Variants in WDFY3 observed in about 807,000 individuals in gnomAD.
WDFY3 encodes the protein WD repeat and FYVE domain-containing protein 3.
Under a neutral mutation model 409.6 loss-of-function variants are expected in WDFY3, and 66 were observed. That is an observed-to-expected ratio of 0.16 (90% CI 0.13 to 0.20). The LOEUF is 0.20. Among genes scored for constraint, WDFY3 ranks in the 10% least tolerant of loss-of-function variants. WDFY3 has a pLI of 1.00. For synonymous variants in WDFY3, 1,521 were observed against 1,537.1 expected (o/e 0.99, Z 0.25); for missense variants, 3,031 against 4,298.1 (o/e 0.71, Z 8.24).
rs1185335520 is a variant in WDFY3, at chr4:84,820,179, T to C, written c.1599A>G (p.Ser533=). 6.2e-7 allele frequency: 1 copy of C among 1,606,614 alleles called. No individual in the cohort carries two copies. The highest frequency in any genetic ancestry group is 8.5e-7 in the Non-Finnish European group (1 of 1,176,548). The part of the protein sequence containing the change: ...PTQALNEQGD[S]RNNSSVEDQK... Reference sequence around the variant, plus strand: ...GGTCTTCAACTGAACTATTATTTCTTGAGTCCCCTAAAAAAAGGTTCAAAG... The same window carrying C: ...GGTCTTCAACTGAACTATTATTTCTCGAGTCCCCTAAAAAAAGGTTCAAAG... Residue 533 remains serine, a synonymous_variant, in exon 12 of 68, where the codon TCA becomes TCG. Coordinates refer to ENST00000295888, the MANE Select transcript of WDFY3 (RefSeq NM_014991.6).
intron 18 of WDFY3, among the ~76,000 whole-genome samples, chr4:84,797,731 C>T (rs1749731453): frequency 2.0e-5 from 3 of 151,984 alleles, no homozygotes. Context: ...CAGGCGCCTG[C>T]CACTGCGCCC....
chr4:84,683,686 A>G (rs571141114), intron 63 of WDFY3, among the ~76,000 whole-genome samples: 1 of 152,324 alleles, frequency 6.6e-6, no homozygotes, highest in East Asian at 1.9e-4. Context: ...CATGGGAATC[A>G]TGTTTGACTG....
intron 64 of WDFY3, among the ~76,000 whole-genome samples, chr4:84,682,009 C>A (rs1727439609): frequency 6.6e-6 from 1 of 152,188 alleles, no homozygotes; most frequent in Non-Finnish European, 1.5e-5. Context: ...CCATGGTGGG[C>A]AGAACAAATG....
At chr4:84,758,780 A>G (rs1349434026) in intron 32 of WDFY3, among the ~76,000 whole-genome samples, 1 of 152,220 alleles carries the variant, frequency 6.6e-6, no homozygotes, top group East Asian at 1.9e-4. Context: ...CTTAATCACA[A>G]TGAACATGTG....
intron 58 of WDFY3, 95 bp downstream of exon 58, chr4:84,695,875 A>T: frequency 1.7e-6 from 2 of 1,163,932 alleles, no homozygotes; most frequent in Non-Finnish European, 2.4e-6. Context: ...TTATTAAGTT[A>T]ATCTAAACTT....
intron 3 of WDFY3, among the ~76,000 whole-genome samples, chr4:84,876,508 T>C (rs561587573): frequency 6.6e-6 from 1 of 152,346 alleles, no homozygotes; most frequent in East Asian, 1.9e-4. Flanking sequence ...TAGATTAGTA[T>C]TTGGCACAAG....
At chr4:84,680,139 T>G (rs1223928286) in intron 64 of WDFY3, among the ~76,000 whole-genome samples, 1 of 152,148 alleles carries the variant, frequency 6.6e-6, no homozygotes, top group African/African-American at 2.4e-5. Flanking sequence ...TCCACCCACT[T>G]TGGCATCCGA....
chr4:84,901,922 T>C (rs1239604855), intron 2 of WDFY3, among the ~76,000 whole-genome samples: 1 of 152,200 alleles, frequency 6.6e-6, no homozygotes, highest in Non-Finnish European at 1.5e-5. Flanking sequence ...GAATGCAATA[T>C]TTCCCCTGTC....
At position 84,870,307 on chromosome 4, in the gene WDFY3, T is replaced by C. The variant is rs76514967; in HGVS notation, c.-31-9685A>G. Among the ~76,000 whole-genome samples the C allele has an allele frequency of 6.4e-3, 976 of 152,284 alleles. 10 individuals are homozygous for C. The highest frequency in any genetic ancestry group is 0.061 in the Middle Eastern group (18 of 294). ...GGATCAACTCTAACTCAAGGACTTT[T>C]CTTGGACCCATCAAAGAACTGAGGT... On this transcript the variant is annotated intron_variant, in intron 3 of 67. Transcript: ENST00000295888.
chr4:84,698,115 G>T (rs993800956), intron 56 of WDFY3, among the ~76,000 whole-genome samples: 2 of 151,932 alleles, frequency 1.3e-5, no homozygotes, highest in African/African-American at 2.4e-5. Flanking sequence ...ATAATAAACA[G>T]GTAAAAAGGC....
At chr4:84,753,387 C>T (rs1034660833) in intron 35 of WDFY3, among the ~76,000 whole-genome samples, 8 of 152,092 alleles carry the variant, frequency 5.3e-5, no homozygotes, top group Non-Finnish European at 1.2e-4. Context: ...TACAACTACA[C>T]AGCTGGCATC....
At chr4:84,894,771 G>A (rs574920579) in intron 3 of WDFY3, among the ~76,000 whole-genome samples, 1 of 151,128 alleles carries the variant, frequency 6.6e-6, no homozygotes, top group South Asian at 2.1e-4. Context: ...GGGTGACAAA[G>A]CGAGACTCAG....
In WDFY3 at chr4:84,733,385, C is replaced by A; in HGVS notation, c.7218G>T (p.Val2406=). The change falls in exon 44 of 68, where the codon GTG becomes GTT. Residue 2406 remains valine (V), a synonymous_variant. Transcript: ENST00000295888. ...YVPETEQETN[V]ASEIPSKQPE... The stretch of plus-strand genomic sequence containing the variant: ...TCATTGAATTCTGCATACTCACCGC[C>A]ACATTTGTCTCTTGCTCAGTTTCTG... 1 of 1,613,926 alleles carries A rather than the reference C, an allele frequency of 6.2e-7. No individual in the cohort carries two copies. The highest frequency in any genetic ancestry group is 8.5e-7 in the Non-Finnish European group (1 of 1,179,864).
intron 36 of WDFY3, among the ~76,000 whole-genome samples, chr4:84,745,307 G>C (rs1211482669): frequency 6.6e-6 from 1 of 152,190 alleles, no homozygotes; most frequent in African/African-American, 2.4e-5. Flanking sequence ...TTCTTAAAAA[G>C]AGATCTGTAT....
intron 60 of WDFY3, 92 bp from the exon 61 acceptor site, chr4:84,690,756 C>A: frequency 7.0e-7 from 1 of 1,427,452 alleles, no homozygotes; most frequent in Middle Eastern, 1.9e-4. Context: ...AAGGTGCAGG[C>A]ACCTCACCAG....
intron 46 of WDFY3, 78 bp from the exon 47 acceptor site, chr4:84,721,650 T>G (rs1388869794): frequency 6.6e-7 from 1 of 1,515,520 alleles, no homozygotes; most frequent in Non-Finnish European, 8.8e-7. Flanking sequence ...ATGTAGTTCC[T>G]TCTATAGATT....
intron 58 of WDFY3, among the ~76,000 whole-genome samples, chr4:84,695,753 T>C (rs1310910390): frequency 6.6e-6 from 1 of 152,204 alleles, no homozygotes; most frequent in Non-Finnish European, 1.5e-5. Flanking sequence ...TGCATTAGTC[T>C]GTAAGGGATA....
At chr4:84,920,282 G>A (rs1450019532) in intron 2 of WDFY3, among the ~76,000 whole-genome samples, 3 of 152,180 alleles carry the variant, frequency 2.0e-5, no homozygotes, top group East Asian at 3.9e-4. Context: ...ATTAGAAAAC[G>A]GAAGATTAAA....
intron 1 of WDFY3, among the ~76,000 whole-genome samples, chr4:84,948,342 C>G (rs1773163023): frequency 6.6e-6 from 1 of 152,044 alleles, no homozygotes; most frequent in Non-Finnish European, 1.5e-5. Flanking sequence ...TATGAGGCAT[C>G]AGCAGTTCTT....
Sources: gnomAD v4.1 joint callset for allele counts (sites outside exome capture counted in the v4.1 genomes callset) on GRCh38, gnomAD v4.1.1 for gene constraint, MANE v1.5 for transcripts, NCBI Gene and HGNC (gene_info 2026-07-23, HGNC 2026-07-21) for gene names.